MYO5A: variants seen among roughly 807,000 people sequenced by gnomAD.
MYO5A encodes the protein myosin VA.
A neutral mutation model predicts 249.7 loss-of-function variants in MYO5A; 98 were observed. The observed-to-expected ratio is 0.39, with a 90% CI of 0.33 to 0.46. MYO5A has a LOEUF of 0.46. MYO5A is among the 20% of genes least tolerant of loss of function. The pLI, the probability that MYO5A is intolerant of heterozygous loss-of-function variation, is 0.98. For missense variants in MYO5A, 1,696 were observed against 2,308.8 expected, an observed-to-expected ratio of 0.73 and a Z score of 5.44; for synonymous variants, 778 against 810.6, an observed-to-expected ratio of 0.96 and a Z score of 0.68.
At chr15:52,424,062 G>A (rs1283995511) in intron 4 of MYO5A, among the ~76,000 whole-genome samples, 1 of 152,172 alleles carries the variant, frequency 6.6e-6, no homozygotes, top group Admixed American at 6.5e-5. Flanking sequence ...TTCTCAGGTT[G>A]TACTAAGTGG....
At position 52,363,630 on chromosome 15, in the gene MYO5A, C is replaced by G. The variant is rs530700461; in HGVS notation, c.3309+924G>C. ...AAGAAAATACTCTGCTCCACAGATA[C>G]TGAATTATCTGGCTTTTTATGAGAT... On this transcript the variant is annotated intron_variant, in intron 24 of 41. Coordinates refer to ENST00000399233, the MANE Select transcript of MYO5A (RefSeq NM_001382347.1). 2.0e-5 allele frequency among the ~76,000 whole-genome samples: 3 copies of G among 152,276 alleles called. No individual in the cohort carries two copies. The East Asian group carries it at 5.8e-4, about 29-fold the overall frequency.
chr15:52,345,457 C>T (rs1203537529), intron 30 of MYO5A, among the ~76,000 whole-genome samples: 1 of 151,744 alleles, frequency 6.6e-6, no homozygotes, highest in African/African-American at 2.4e-5. Flanking sequence ...TGGTGGTGGG[C>T]ACCTATAATC....
At chr15:52,392,457 C>T (rs995212601) in intron 11 of MYO5A, among the ~76,000 whole-genome samples, 2 of 152,250 alleles carry the variant, frequency 1.3e-5, no homozygotes, top group Admixed American at 1.3e-4. Flanking sequence ...GCCCTCCAGG[C>T]TACTGAATCA....
Position 52,312,352 on chromosome 15 carries a change from A to G in MYO5A, c.*1344T>C, listed in dbSNP as rs1196504713. Reference sequence around the variant, plus strand: ...CGTGAATATTCTGACAATCCTCTCTAGATAGTGAGTGAGATTCTTTTTTTT... The same window carrying G: ...CGTGAATATTCTGACAATCCTCTCTGGATAGTGAGTGAGATTCTTTTTTTT... On this transcript the variant is annotated 3_prime_UTR_variant, in exon 42 of 42. Transcript: ENST00000399233. 1 of 152,130 alleles carries G rather than the reference A, an allele frequency of 6.6e-6. No homozygotes were observed. The highest frequency in any genetic ancestry group is 2.4e-5 in the African/African-American group (1 of 41,440). 9.4% of individuals were successfully genotyped at this position (152,130 alleles called of 1,614,324 possible).
In MYO5A at chr15:52,323,385, C is replaced by T. The variant is rs2140936388; in HGVS notation, c.4770G>A (p.Leu1590=). 6.2e-7 allele frequency: 1 copy of T among 1,613,588 alleles called. No individual in the cohort carries two copies. Among genetic ancestry groups the T allele is most frequent in the East Asian group, 2.2e-5 (1 of 44,844 alleles). The change falls in exon 37 of 42, where the codon TTG becomes TTA. Residue 1590 remains leucine (L), a synonymous_variant. Transcript: ENST00000399233. ...SFWLSNTCRF[L]HCLKQYSGEE... Reference sequence around the variant, plus strand: ...CTCCACTGTACTGTTTCAAGCAGTGCAAAAATCGGCATGTGTTAGAGAGCC... The same window carrying T: ...CTCCACTGTACTGTTTCAAGCAGTGTAAAAATCGGCATGTGTTAGAGAGCC...
chr15:52,386,620 T>C (rs1380188087), intron 14 of MYO5A, among the ~76,000 whole-genome samples: 38 of 151,884 alleles, frequency 2.5e-4, no homozygotes, highest in Admixed American at 2.5e-3. Context: ...CAATTACGGC[T>C]CACTGCAGCC....
At chr15:52,421,071 T>C (rs2043764158) in intron 4 of MYO5A, among the ~76,000 whole-genome samples, 1 of 152,204 alleles carries the variant, frequency 6.6e-6, no homozygotes, top group Non-Finnish European at 1.5e-5. Flanking sequence ...TAATTTAAGT[T>C]AACCCACCTT....
chr15:52,465,352 G>A (rs373134027), intron 1 of MYO5A, among the ~76,000 whole-genome samples: 27 of 152,254 alleles, frequency 1.8e-4, no homozygotes, highest in Middle Eastern at 6.8e-3. Flanking sequence ...GCCGAGAAAA[G>A]CAGCTATGAA....
At chr15:52,350,178 C>T (rs1203636876) in intron 28 of MYO5A, among the ~76,000 whole-genome samples, 8 of 152,142 alleles carry the variant, frequency 5.3e-5, no homozygotes, top group South Asian at 4.1e-4. Context: ...GTGATCTGCC[C>T]GCCTCGGCCT....
chr15:52,376,389 G>A lies in MYO5A; in HGVS notation c.2378C>T (p.Ala793Val), dbSNP rs1323237631. ...RKKYLRMRKA[A>V]ITMQRYVRGY... The stretch of plus-strand genomic sequence containing the variant: ...CCGCACGTATCTCTGCATGGTGATG[G>A]CTGCCTTCCGCATGCGTAGGTACTT... The change falls in exon 19 of 42, where the codon GCC (alanine) becomes GTC (valine). Residue 793 changes from alanine (A) to valine (V), a missense_variant. Physicochemically the swap from Ala to Val is moderately conservative, Grantham distance 64. Around this residue, in one of 5 missense-constraint regions of MYO5A, gnomAD observed 412 missense variants for 453.3 expected, o/e 0.91. Transcript: ENST00000399233. 1.9e-6 allele frequency: 3 copies of A among 1,614,020 alleles called. No homozygotes were observed. The highest frequency in any genetic ancestry group is 3.3e-5 in the Admixed American group (2 of 59,998).
chr15:52,435,812 C>T (rs143500747), intron 1 of MYO5A: 40 of 330,866 alleles, frequency 1.2e-4, no homozygotes, highest in East Asian at 8.5e-5. Flanking sequence ...TCACACTCAG[C>T]AGAGGCAACA....
intron 1 of MYO5A, among the ~76,000 whole-genome samples, chr15:52,448,214 G>T (rs890037228): frequency 6.6e-6 from 1 of 152,272 alleles, no homozygotes; most frequent in Non-Finnish European, 1.5e-5. Flanking sequence ...CCTTGCATCA[G>T]TGTGCCTTGG....
intron 1 of MYO5A, among the ~76,000 whole-genome samples, chr15:52,486,532 TA>T (rs2076824341): frequency 6.6e-6 from 1 of 152,220 alleles, no homozygotes; most frequent in Non-Finnish European, 1.5e-5. Flanking sequence ...CTTCCCATTT[TA>T]AAAGAGATTA....
Position 52,397,329 on chromosome 15 carries a change from C to G in MYO5A, c.1191G>C (p.Thr397=), listed in dbSNP as rs2924130. ...YIKPISKLQA[T]NARDALAKHI... ...GCTTGGCCAAAGCATCGCGGGCATT[C>G]GTGGCCTGCAGCTTGGAGATGGGCT... The change falls in exon 10 of 42, where the codon ACG becomes ACC. Residue 397 remains threonine (T), a synonymous_variant. Transcript: ENST00000399233. 1.9e-6 allele frequency: 3 copies of G among 1,613,860 alleles called. No individual in the cohort carries two copies. The highest frequency in any genetic ancestry group is 2.5e-6 in the Non-Finnish European group (3 of 1,180,002).
chr15:52,509,267 T>G (rs2077341907), intron 1 of MYO5A, among the ~76,000 whole-genome samples: 1 of 152,182 alleles, frequency 6.6e-6, no homozygotes, highest in African/African-American at 2.4e-5. Context: ...ACCTAGCACC[T>G]GGCCAGATTA....
rs539192589 is a variant in MYO5A at position 52,427,649 on chromosome 15, G to A, written c.310+749C>T. Among the ~76,000 whole-genome samples the A allele has an allele frequency of 2.0e-5, 3 of 152,286 alleles. No homozygotes were observed. The South Asian group carries it at 6.2e-4, about 32-fold the overall frequency. The stretch of plus-strand genomic sequence containing the variant: ...GGCTGTTCCTGTCTAAAACAGGAGA[G>A]TAATGAAGAAATCATGAGCACTGAG... On this transcript the variant is annotated intron_variant, in intron 3 of 41. Transcript: ENST00000399233.
At chr15:52,467,688 A>C (rs1316326453) in intron 1 of MYO5A, among the ~76,000 whole-genome samples, 1 of 152,158 alleles carries the variant, frequency 6.6e-6, no homozygotes, top group African/African-American at 2.4e-5. Context: ...CAGGAAAATA[A>C]ACTGCAAAAA....
intron 1 of MYO5A, chr15:52,438,152 A>C: frequency 4.5e-5 from 28 of 617,074 alleles, no homozygotes; most frequent in South Asian, 7.1e-5. Context: ...GGGAAATCTC[A>C]ACCTGATATG....
chr15:52,323,015 G>A (rs780610569), intron 37 of MYO5A, among the ~76,000 whole-genome samples: 29 of 152,074 alleles, frequency 1.9e-4, no homozygotes, highest in Non-Finnish European at 3.4e-4. Flanking sequence ...ATTGTGGCAA[G>A]CCAAAATTGA....
Sources: gnomAD v4.1 joint callset for allele counts (sites outside exome capture counted in the v4.1 genomes callset) on GRCh38, gnomAD v4.1.1 for gene constraint, gnomAD v4.1.1 regional missense constraint, MANE v1.5 for transcripts, NCBI Gene and HGNC (gene_info 2026-07-23, HGNC 2026-07-21) for gene names.